The following RYR2 variants were observed in gnomAD, a reference collection of about 807,000 sequenced individuals.
The protein encoded by RYR2 is ryanodine receptor 2.
RYR2 carries 227 observed loss-of-function variants against 601.1 expected under a neutral mutation model. The ratio of observed to expected loss-of-function variants is 0.38; its 90% CI spans 0.34 to 0.42. RYR2 has a LOEUF of 0.42. RYR2 is among the 10% of genes least tolerant of loss of function. The pLI, the probability that RYR2 is intolerant of heterozygous loss-of-function variation, is 1.00. For synonymous variants in RYR2, 2,223 were observed against 2,175.1 expected, an observed-to-expected ratio of 1.02 and a Z score of -0.61; for missense variants, 4,646 against 6,156.5, an observed-to-expected ratio of 0.75 and a Z score of 8.21.
intron 1 of RYR2, among the ~76,000 whole-genome samples, chr1:237,171,795 A>G (rs764467015): frequency 4.6e-5 from 7 of 152,210 alleles, no homozygotes; most frequent in Admixed American, 6.5e-5. Context: ...ACACCCAGTG[A>G]GTAATGGTAT....
chr1:237,452,075 TTTTGTGTGTG>T (rs1434139604), intron 14 of RYR2, among the ~76,000 whole-genome samples: 3 of 7,738 alleles, frequency 3.9e-4, no homozygotes, highest in African/African-American at 1.5e-3. Context: ...ATATATAAAA[TTTTGTGTGTG>T]TGTGTGTGTG....
At position 237,496,525 on chromosome 1, in the gene RYR2, T is replaced by C. The variant is rs753013388; in HGVS notation, c.1976T>C (p.Ile659Thr). The C allele has an allele frequency of 1.2e-6, 2 of 1,613,898 alleles. No individual in the cohort carries two copies. Among genetic ancestry groups the C allele is most frequent in the East Asian group, 2.2e-5 (1 of 44,880 alleles). Residue 659 changes from isoleucine to threonine, a missense_variant, in exon 20 of 105, where the codon ATT becomes ACT. Transcript: ENST00000366574. ...TCTCTTTAAAGCATGAGACCCAATA[T>C]TTTTCTGGGCGTCAGTGAAGGTTCT... Reference protein sequence around the residue: ...VNHVSSMRPNIFLGVSEGSAQ... With the variant: ...VNHVSSMRPNTFLGVSEGSAQ...
intron 50 of RYR2, among the ~76,000 whole-genome samples, chr1:237,650,361 T>C (rs1299744493): frequency 6.6e-6 from 1 of 152,134 alleles, no homozygotes; most frequent in Non-Finnish European, 1.5e-5. Flanking sequence ...ATTCTGGATG[T>C]TGGGAGTGGG....
chr1:237,166,671 T>C (rs1269966493), intron 1 of RYR2, among the ~76,000 whole-genome samples: 1 of 152,184 alleles, frequency 6.6e-6, no homozygotes, highest in Non-Finnish European at 1.5e-5. Flanking sequence ...AACAAAACAG[T>C]TCTCTGGAAT....
rs1573614059 is a variant in RYR2 at position 237,708,743 on chromosome 1, G to A, written c.9902-115G>A. On this transcript the variant is annotated intron_variant, in intron 68 of 104. Transcript: ENST00000366574. ...GCTGAGGCATGAGCTGTACCCTTAAGGAAGTCATGTGCTGGAGAAGGAGGC... is the reference window on the plus strand; with the variant it reads ...GCTGAGGCATGAGCTGTACCCTTAAAGAAGTCATGTGCTGGAGAAGGAGGC... 5.5e-6 allele frequency: 5 copies of A among 904,390 alleles called. No homozygotes were observed. The East Asian group carries it at 1.3e-4, about 24-fold the overall frequency. 56.0% of individuals were successfully genotyped at this position (904,390 alleles called of 1,614,324 possible).
chr1:237,418,792 A>T (rs544232100), intron 11 of RYR2, among the ~76,000 whole-genome samples: 3 of 152,010 alleles, frequency 2.0e-5, no homozygotes, highest in African/African-American at 7.2e-5. Flanking sequence ...GCTCTTCTAT[A>T]TTGTCATTAA....
intron 24 of RYR2, among the ~76,000 whole-genome samples, chr1:237,527,428 C>A (rs1445148865): frequency 6.6e-6 from 1 of 152,188 alleles, no homozygotes; most frequent in African/African-American, 2.4e-5. Context: ...TTAGCCATCA[C>A]ACATAATGAG....
chr1:237,744,348 T>TAAAAAAA (rs1263538366), intron 80 of RYR2, among the ~76,000 whole-genome samples: 11 of 100,812 alleles, frequency 1.1e-4, no homozygotes, highest in Non-Finnish European at 2.6e-4. Flanking sequence ...GTTTGTTTGT[T>TAAAAAAA]TAAAAAAAAA....
intron 80 of RYR2, among the ~76,000 whole-genome samples, chr1:237,745,220 A>G (rs1691972421): frequency 6.6e-6 from 1 of 152,174 alleles, no homozygotes; most frequent in East Asian, 1.9e-4. Context: ...CTCTGATCCG[A>G]TGGATATAAT....
intron 1 of RYR2, among the ~76,000 whole-genome samples, chr1:237,169,299 CTT>C (rs1187225109): frequency 1.8e-4 from 2 of 10,918 alleles, no homozygotes; most frequent in Admixed American, 3.0e-3. Flanking sequence ...TTTTTTTTTT[CTT>C]CTTCTTCTTT....
rs144721605 is a variant in RYR2, at chr1:237,630,328, T to C, written c.6441-1099T>C. Among the ~76,000 whole-genome samples, 1,272 of 152,168 alleles carry C rather than the reference T, an allele frequency of 8.4e-3. 4 individuals carry two copies. The highest frequency in any genetic ancestry group is 0.016 in the Admixed American group (242 of 15,292). On this transcript the variant is annotated intron_variant, in intron 41 of 104. Transcript: ENST00000366574. ...TCAAAGATTTGAATTAATGAGACAA[T>C]AAAAAGAAAAAGCTGCCCTTGTTTA...
chr1:237,646,426 A>G (rs1231459872), intron 48 of RYR2, among the ~76,000 whole-genome samples: 1 of 152,066 alleles, frequency 6.6e-6, no homozygotes, highest in Non-Finnish European at 1.5e-5. Context: ...ATAGCTGTGC[A>G]TTTAACTTTA....
At chr1:237,432,750 G>A (rs1706955637) in intron 12 of RYR2, among the ~76,000 whole-genome samples, 1 of 152,092 alleles carries the variant, frequency 6.6e-6, no homozygotes, top group African/African-American at 2.4e-5. Context: ...AAGTAGAGCA[G>A]TGGTGTCTTT....
In RYR2 at chr1:237,698,144, G is replaced by A. The variant is rs191197471; in HGVS notation, c.9068-821G>A. On this transcript the variant is annotated intron_variant, in intron 63 of 104. Coordinates refer to ENST00000366574, the MANE Select transcript of RYR2 (RefSeq NM_001035.3). ...TGTGTGTGTGTGTGTGTGTGTGTGT[G>A]TGTGTGTAATGAGGAACTGATCATG... Among the ~76,000 whole-genome samples, 326 of 147,436 alleles carry A rather than the reference G, an allele frequency of 2.2e-3. 3 individuals are homozygous for A. Among genetic ancestry groups the A allele is most frequent in the African/African-American group, 7.7e-3 (308 of 39,796 alleles).
chr1:237,090,254 T>C (rs1484757531), intron 1 of RYR2, among the ~76,000 whole-genome samples: 1 of 152,164 alleles, frequency 6.6e-6, no homozygotes, highest in Non-Finnish European at 1.5e-5. Flanking sequence ...ATCAGGGCCC[T>C]CCATGGATGT....
At chr1:237,548,722 A>G in intron 26 of RYR2, 132 bp downstream of exon 26, 1 of 1,128,118 alleles carries the variant, frequency 8.9e-7, no homozygotes, top group South Asian at 1.7e-5. Context: ...CATTTGGACT[A>G]AAACAGCTGT....
At chr1:237,631,917 G>A (rs369657774) in intron 42 of RYR2, among the ~76,000 whole-genome samples, 21 of 151,952 alleles carry the variant, frequency 1.4e-4, no homozygotes, top group East Asian at 7.8e-4. Context: ...ACAGGCGTGA[G>A]CCACCGCGCC....
chr1:237,346,366 T>TGAAAAAAAAAAAAAAAAAAAA (rs1572675280), intron 3 of RYR2, among the ~76,000 whole-genome samples: 1 of 84,880 alleles, frequency 1.2e-5, no homozygotes, highest in Admixed American at 1.3e-4. Flanking sequence ...AGGGTCTACC[T>TGAAAAAAAAAAAAAAAAAAAA]CAAAAAAAAA....
intron 4 of RYR2, among the ~76,000 whole-genome samples, chr1:237,357,130 A>G (rs971124997): frequency 1.3e-5 from 2 of 151,938 alleles, no homozygotes; most frequent in African/African-American, 4.8e-5. Context: ...ACCTTTGAAA[A>G]CTATGACTTG....
Sources: gnomAD v4.1 joint callset for allele counts (sites outside exome capture counted in the v4.1 genomes callset) on GRCh38, gnomAD v4.1.1 for gene constraint, MANE v1.5 for transcripts, NCBI Gene and HGNC (gene_info 2026-07-23, HGNC 2026-07-21) for gene names.